Variants in KAZN observed in about 807,000 individuals in gnomAD.
The protein encoded by KAZN is kazrin, periplakin interacting protein.
Under a neutral mutation model 87.4 loss-of-function variants are expected in KAZN, and 40 were observed. The ratio of observed to expected loss-of-function variants is 0.46; its 90% CI spans 0.36 to 0.60. The LOEUF is 0.60. Ranked by LOEUF, KAZN falls within the 20% of genes least tolerant of loss-of-function variation. The pLI, the probability that KAZN is intolerant of heterozygous loss-of-function variation, is 0.00. For missense variants in KAZN, 898 were observed against 1,073.9 expected (o/e 0.84, Z 2.29); for synonymous variants, 466 against 458.3 (o/e 1.02, Z -0.22).
At chr1:14,061,484 A>G (rs1323778061) in intron 1 of KAZN, among the ~76,000 whole-genome samples, 1 of 146,228 alleles carries the variant, frequency 6.8e-6, no homozygotes, top group Non-Finnish European at 1.6e-5. Flanking sequence ...GGCATTGAAT[A>G]TGACCCCGTA....
intron 1 of KAZN, among the ~76,000 whole-genome samples, chr1:14,683,075 G>A (rs1640766163): frequency 6.6e-6 from 1 of 152,166 alleles, no homozygotes; most frequent in Non-Finnish European, 1.5e-5. Flanking sequence ...TCAGATATGA[G>A]AGGAGGCGCC....
In KAZN at chr1:14,574,350, C is replaced by T. The variant is rs184064602; in HGVS notation, c.250-24633C>T. Reference sequence around the variant, plus strand: ...CTGATATGGTTTGGCTATGTCCCCACGCAAATCTCATCTTGAATTGTAGCT... The same window carrying T: ...CTGATATGGTTTGGCTATGTCCCCATGCAAATCTCATCTTGAATTGTAGCT... On this transcript the variant is annotated intron_variant, in intron 2 of 16. Coordinates refer to the KAZN transcript ENST00000636203. Among the ~76,000 whole-genome samples the T allele has an allele frequency of 1.7e-3, 255 of 152,300 alleles. 1 individual carries two copies. The highest frequency in any genetic ancestry group is 1.2e-3 in the Non-Finnish European group (80 of 68,038).
chr1:14,790,675 T>G (rs970423036), intron 1 of KAZN, among the ~76,000 whole-genome samples: 1 of 152,162 alleles, frequency 6.6e-6, no homozygotes, highest in African/African-American at 2.4e-5. Context: ...GGATTTGGCC[T>G]TTCCCACCAG....
chr1:14,169,339 GTC>G (rs1645900551), intron 1 of KAZN, among the ~76,000 whole-genome samples: 1 of 151,044 alleles, frequency 6.6e-6, no homozygotes, highest in South Asian at 2.1e-4. Flanking sequence ...TTCTCTTGTT[GTC>G]TCTCCAGCTG....
intron 4 of KAZN, among the ~76,000 whole-genome samples, chr1:15,053,293 A>G (rs1361683868): frequency 6.6e-6 from 1 of 152,182 alleles, no homozygotes; most frequent in Non-Finnish European, 1.5e-5. Flanking sequence ...GTGGTGGTTC[A>G]GGAAGTGTGG....
intron 2 of KAZN, among the ~76,000 whole-genome samples, chr1:14,515,541 C>T (rs1238249701): frequency 6.6e-6 from 1 of 152,152 alleles, no homozygotes; most frequent in Non-Finnish European, 1.5e-5. Flanking sequence ...GCTTCTGCCT[C>T]CCCTCCATCC....
At chr1:14,776,115 T>C (rs1490960050) in intron 1 of KAZN, among the ~76,000 whole-genome samples, 2 of 152,348 alleles carry the variant, frequency 1.3e-5, no homozygotes, top group South Asian at 4.2e-4. Flanking sequence ...ATTCAAGCGA[T>C]TCTCCTGCCT....
chr1:14,292,200 G>T (rs1653758973), intron 2 of KAZN, among the ~76,000 whole-genome samples: 1 of 152,188 alleles, frequency 6.6e-6, no homozygotes, highest in Non-Finnish European at 1.5e-5. Context: ...GCTCTGTGCT[G>T]TCATGTCACA....
intron 1 of KAZN, among the ~76,000 whole-genome samples, chr1:14,869,805 C>A (rs945432571): frequency 6.6e-6 from 1 of 152,116 alleles, no homozygotes; most frequent in African/African-American, 2.4e-5. Flanking sequence ...GCAGTGGCTG[C>A]GAGGAGCAGG....
intron 13 of KAZN, among the ~76,000 whole-genome samples, chr1:15,106,860 T>C (rs1255641972): frequency 6.6e-6 from 1 of 152,148 alleles, no homozygotes; most frequent in Non-Finnish European, 1.5e-5. Context: ...AATGTGTCAG[T>C]CATAGGACTG....
Position 14,553,892 on chromosome 1 carries a change from C to T in KAZN, c.250-45091C>T, listed in dbSNP as rs1328600043. The stretch of plus-strand genomic sequence containing the variant: ...AGATTTAATCAGTCCAGCGTAGGTT[C>T]CGGGCATTGGTATGTTTTAAAAAGC... On this transcript the variant is annotated intron_variant, in intron 2 of 16. Transcript: ENST00000636203. Among the ~76,000 whole-genome samples the T allele has an allele frequency of 2.6e-5, 4 of 152,276 alleles. No homozygotes were observed. In the East Asian group the frequency reaches 5.8e-4, roughly 22 times the overall value.
chr1:14,040,790 AAATT>A (rs199729232), intron 1 of KAZN, among the ~76,000 whole-genome samples: 23,777 of 147,082 alleles, frequency 0.16, 2,285 homozygotes, highest in Non-Finnish European at 0.23. Context: ...AAATAAAATT[AAATT>A]AAATTAAAAT....
intron 2 of KAZN, among the ~76,000 whole-genome samples, chr1:14,243,751 A>C (rs1649226048): frequency 1.3e-5 from 2 of 152,202 alleles, no homozygotes; most frequent in Non-Finnish European, 2.9e-5. Context: ...ATCTGTATGT[A>C]AATTTAAGAT....
intron 2 of KAZN, among the ~76,000 whole-genome samples, chr1:14,183,203 G>C (rs551158990): frequency 1.3e-5 from 2 of 152,194 alleles, no homozygotes; most frequent in East Asian, 3.9e-4. Context: ...AAGCATTGCC[G>C]GACTATGAAA....
chr1:14,568,061 T>C (rs1674645676), intron 2 of KAZN, among the ~76,000 whole-genome samples: 1 of 152,222 alleles, frequency 6.6e-6, no homozygotes, highest in African/African-American at 2.4e-5. Flanking sequence ...CCTAATCAGT[T>C]GACTTTGAGT....
chr1:14,316,649 T>C (rs1655674364), intron 2 of KAZN, among the ~76,000 whole-genome samples: 1 of 152,026 alleles, frequency 6.6e-6, no homozygotes, highest in Admixed American at 6.6e-5. Context: ...TCATTGATTT[T>C]AAGCTATTCG....
At chr1:14,968,967 G>A (rs1664743095) in intron 2 of KAZN, among the ~76,000 whole-genome samples, 1 of 152,222 alleles carries the variant, frequency 6.6e-6, no homozygotes, top group East Asian at 1.9e-4. Context: ...AACCAGGCCT[G>A]TAGATGAGAG....
intron 1 of KAZN, among the ~76,000 whole-genome samples, chr1:13,971,330 C>G (rs1642128604): frequency 6.6e-6 from 1 of 152,192 alleles, no homozygotes; most frequent in South Asian, 2.1e-4. Context: ...TAGCAAGTCA[C>G]AGGACTGAGT....
At chr1:14,544,350 C>CTTTTTTTTTTTTTTTTTTTT (rs374148415) in intron 2 of KAZN, among the ~76,000 whole-genome samples, 46 of 98,108 alleles carry the variant, frequency 4.7e-4, no homozygotes, top group Non-Finnish European at 6.3e-4. Context: ...TTCTTTCTTT[C>CTTTTTTTTTTTTTTTTTTTT]TTTTTTTTTT....
Sources: allele counts gnomAD v4.1 joint callset (sites outside exome capture counted in the v4.1 genomes callset), GRCh38; gene constraint gnomAD v4.1.1; transcripts MANE v1.5; gene names NCBI Gene and HGNC (gene_info 2026-07-23, HGNC 2026-07-21).